The following ADGRL4 variants were observed in gnomAD, a reference collection of about 807,000 sequenced individuals.
The protein encoded by ADGRL4 is adhesion G protein-coupled receptor L4, also known as EGF, latrophilin and seven transmembrane domain containing 1.
In ADGRL4, 90 loss-of-function variants were observed where a neutral mutation model predicts 74.8. That is an observed-to-expected ratio of 1.20 (90% confidence interval 1.02 to 1.43). ADGRL4 has a LOEUF of 1.43. ADGRL4 is among the 40% of genes most tolerant of loss of function. ADGRL4 has a pLI of 0.00. For synonymous variants in ADGRL4, 311 were observed against 279.2 expected (o/e 1.11, Z -1.14); for missense variants, 881 against 814.3 (o/e 1.08, Z -1.00).
At chr1:78,915,447 T>A (rs1011671568) in intron 12 of ADGRL4, among the ~76,000 whole-genome samples, 4 of 151,894 alleles carry the variant, frequency 2.6e-5, no homozygotes, top group Non-Finnish European at 4.4e-5. Flanking sequence ...TCTGCAAACT[T>A]TTTTGAGTGT....
At chr1:78,963,444 G>A (rs987569745) in intron 2 of ADGRL4, among the ~76,000 whole-genome samples, 1 of 152,152 alleles carries the variant, frequency 6.6e-6, no homozygotes, top group Non-Finnish European at 1.5e-5. Flanking sequence ...CTCACGCCCA[G>A]TATGCTGTCA....
In ADGRL4 at chr1:78,936,426, T is replaced by A. The variant is rs199605891; in HGVS notation, c.761-15A>T. On this transcript the variant is annotated splice_polypyrimidine_tract_variant and intron_variant, in intron 6 of 14. Transcript: ENST00000370742. ...AACTTTGAGAGCTGAAACAAAACCA[T>A]GAAAATAAAAAAAGTGAAATTACTT... The A allele has an allele frequency of 1.6e-5, 25 of 1,553,408 alleles. No individual in the cohort carries two copies. Among genetic ancestry groups the A allele is most frequent in the East Asian group, 2.3e-5 (1 of 43,592 alleles).
rs867653526 is a variant in ADGRL4 at position 78,999,568 on chromosome 1, G to A, written c.172+5502C>T. Among the ~76,000 whole-genome samples, 71 of 151,934 alleles carry A rather than the reference G, an allele frequency of 4.7e-4. 1 individual carries two copies. The highest frequency in any genetic ancestry group is 1.6e-3 in the African/African-American group (68 of 41,432). Reference sequence around the variant, plus strand: ...AGCTTGGGCGACAGAGCGAGACTCCGTCTTAAATAAATAAATAAATAAATA... The same window carrying A: ...AGCTTGGGCGACAGAGCGAGACTCCATCTTAAATAAATAAATAAATAAATA... On this transcript the variant is annotated intron_variant, in intron 2 of 14. Transcript: ENST00000370742.
chr1:78,983,226 C>T (rs1205596675), intron 2 of ADGRL4, among the ~76,000 whole-genome samples: 1 of 151,796 alleles, frequency 6.6e-6, no homozygotes, highest in Non-Finnish European at 1.5e-5. Context: ...AATTAAGCTA[C>T]ACACACAGAC....
intron 12 of ADGRL4, among the ~76,000 whole-genome samples, chr1:78,911,318 T>A (rs935974590): frequency 2.0e-5 from 3 of 151,814 alleles, no homozygotes; most frequent in African/African-American, 7.2e-5. Flanking sequence ...GTGAAAGCAA[T>A]CTTAACCTTC....
intron 2 of ADGRL4, among the ~76,000 whole-genome samples, chr1:78,971,313 A>G (rs2100717596): frequency 6.6e-6 from 1 of 152,304 alleles, no homozygotes; most frequent in South Asian, 2.1e-4. Flanking sequence ...GTTTTAGGAT[A>G]CATGTGCATA....
chr1:78,906,809 A>G (rs897269223), intron 12 of ADGRL4, among the ~76,000 whole-genome samples: 1 of 151,988 alleles, frequency 6.6e-6, no homozygotes, highest in Non-Finnish European at 1.5e-5. Context: ...AACTTTCGCA[A>G]TTAAATTCAA....
Position 78,921,759 on chromosome 1 carries a change from C to T in ADGRL4, c.1111G>A (p.Ala371Thr), listed in dbSNP as rs781078793. ...GTATCAGGTGAGTAATTCCAAAATG[C>T]ACATAGACTCCTATACCTATCTGTG... ...KVTDRYRSLC[A>T]FWNYSPDTMN... Residue 371 changes from alanine (A) to threonine (T), a missense_variant, in exon 9 of 15, where the codon GCA becomes ACA. Transcript: ENST00000370742. 2.5e-6 allele frequency: 4 copies of T among 1,592,956 alleles called. No individual in the cohort carries two copies. The highest frequency in any genetic ancestry group is 1.7e-4 in the Middle Eastern group (1 of 6,010).
chr1:78,937,455 GACAA>G (rs1409355805), intron 6 of ADGRL4, among the ~76,000 whole-genome samples: 4 of 152,142 alleles, frequency 2.6e-5, no homozygotes, highest in African/African-American at 7.2e-5. Context: ...TAAACAAACA[GACAA>G]ACAAAATCCA....
intron 3 of ADGRL4, among the ~76,000 whole-genome samples, chr1:78,945,196 A>ATATATATATATATATATC (rs1553136479): frequency 6.7e-6 from 1 of 148,222 alleles, no homozygotes; most frequent in African/African-American, 2.5e-5. Flanking sequence ...ATATATATAT[A>ATATATATATATATATATC]TCTCAATAGG....
intron 2 of ADGRL4, among the ~76,000 whole-genome samples, chr1:78,951,749 G>A (rs1169678352): frequency 2.0e-5 from 3 of 152,170 alleles, no homozygotes; most frequent in South Asian, 2.1e-4. Flanking sequence ...AGCGTAGAAA[G>A]AGAATCTGGT....
At chr1:78,894,367 T>G (rs1265710042) in intron 12 of ADGRL4, among the ~76,000 whole-genome samples, 1 of 151,812 alleles carries the variant, frequency 6.6e-6, no homozygotes, top group Non-Finnish European at 1.5e-5. Flanking sequence ...ATTTCCTGTT[T>G]CCAAATGTCC....
At chr1:78,987,534 C>T (rs1298845254) in intron 2 of ADGRL4, among the ~76,000 whole-genome samples, 1 of 151,676 alleles carries the variant, frequency 6.6e-6, no homozygotes, top group African/African-American at 2.4e-5. Context: ...GAAGTTATTA[C>T]TCAATCCACT....
chr1:78,961,438 T>C (rs1034543438), intron 2 of ADGRL4, among the ~76,000 whole-genome samples: 2 of 152,006 alleles, frequency 1.3e-5, no homozygotes, highest in African/African-American at 4.8e-5. Context: ...CTTCAGTATG[T>C]TTTAAAGTGC....
At chr1:78,975,812 A>G (rs1427122207) in intron 2 of ADGRL4, among the ~76,000 whole-genome samples, 1 of 151,926 alleles carries the variant, frequency 6.6e-6, no homozygotes, top group Non-Finnish European at 1.5e-5. Context: ...TATAGTGACA[A>G]GAGACACAAA....
intron 2 of ADGRL4, among the ~76,000 whole-genome samples, chr1:78,996,390 A>C (rs1650715349): frequency 6.6e-6 from 1 of 152,222 alleles, no homozygotes; most frequent in South Asian, 2.1e-4. Context: ...AAAAAACTTA[A>C]ATGTATAAAT....
At chr1:78,954,455 A>G (rs903208135) in intron 2 of ADGRL4, among the ~76,000 whole-genome samples, 5 of 152,192 alleles carry the variant, frequency 3.3e-5, no homozygotes, top group Non-Finnish European at 4.4e-5. Flanking sequence ...CTATCATTAA[A>G]TAATTTTGAT....
intron 2 of ADGRL4, among the ~76,000 whole-genome samples, chr1:78,983,885 C>A (rs1176226643): frequency 6.6e-6 from 1 of 151,684 alleles, no homozygotes; most frequent in Non-Finnish European, 1.5e-5. Context: ...AATAATGTAC[C>A]ATATACCTTC....
chr1:78,926,476 T>C (rs868300145), intron 8 of ADGRL4, among the ~76,000 whole-genome samples: 1 of 152,020 alleles, frequency 6.6e-6, no homozygotes, highest in Admixed American at 6.6e-5. Flanking sequence ...TTTCTTTTAA[T>C]CAACACCAGA....
Sources: gnomAD v4.1 joint callset for allele counts (sites outside exome capture counted in the v4.1 genomes callset) on GRCh38, gnomAD v4.1.1 for gene constraint, MANE v1.5 for transcripts, NCBI Gene and HGNC (gene_info 2026-07-23, HGNC 2026-07-21) for gene names.